The following ASB4 variants were observed in gnomAD, a reference collection of about 807,000 sequenced individuals.
The protein encoded by ASB4 is ankyrin repeat and SOCS box protein 4.
Under a neutral mutation model 38.6 loss-of-function variants are expected in ASB4, and 35 were observed. That is an observed-to-expected ratio of 0.91 (90% CI 0.69 to 1.20). The LOEUF (loss-of-function observed/expected upper bound fraction) is 1.20. ASB4 is among the 50% of genes most tolerant of loss of function. ASB4 has a pLI of 0.00. For missense variants in ASB4, 557 were observed against 527.2 expected (o/e 1.06, Z -0.55); for synonymous variants, 195 against 201.3 (o/e 0.97, Z 0.26).
At chr7:95,513,799 T>C (rs1790518084) in intron 2 of ASB4, among the ~76,000 whole-genome samples, 1 of 152,160 alleles carries the variant, frequency 6.6e-6, no homozygotes. Context: ...AATAAGAAGC[T>C]AGGACTCTCA....
At chr7:95,522,093 G>A (rs1286340859) in intron 2 of ASB4, among the ~76,000 whole-genome samples, 2 of 152,120 alleles carry the variant, frequency 1.3e-5, no homozygotes, top group African/African-American at 4.8e-5. Flanking sequence ...TGGTGCTGAT[G>A]TAATAATAGA....
At chr7:95,540,559 AC>A, downstream of ASB4, among the ~76,000 whole-genome samples, 1 of 152,234 alleles carries the variant, frequency 6.6e-6, no homozygotes. Context: ...CTCACTGTCC[AC>A]TAAACCCTGG....
chr7:95,491,013 T>C (rs1790163501), intron 1 of ASB4, among the ~76,000 whole-genome samples: 1 of 152,208 alleles, frequency 6.6e-6, no homozygotes, highest in Admixed American at 6.5e-5. Flanking sequence ...TGGGTACTTG[T>C]TATATGAACA....
At chr7:95,535,052 TCA>T (rs1217216872) in intron 3 of ASB4, among the ~76,000 whole-genome samples, 2 of 151,070 alleles carry the variant, frequency 1.3e-5, no homozygotes, top group East Asian at 1.9e-4. Flanking sequence ...ACACACTCAC[TCA>T]CACACACACA....
At position 95,537,816 on chromosome 7, in the gene ASB4, C is replaced by T; in HGVS notation, c.*57C>T. ...TATTTAAGTGGACTTGCTGGGTAGA[C>T]ACAGTTTGCCTAAATAAAATGGTAC... On this transcript the variant is annotated 3_prime_UTR_variant, in exon 5 of 5. Coordinates refer to ENST00000325885, the MANE Select transcript of ASB4 (RefSeq NM_016116.3). 2 of 1,465,380 alleles carry T rather than the reference C, an allele frequency of 1.4e-6. No individual in the cohort carries two copies. Among genetic ancestry groups the T allele is most frequent in the African/African-American group, 1.4e-5 (1 of 71,302 alleles). 90.8% of individuals were successfully genotyped at this position (1,465,380 alleles called of 1,614,324 possible).
the ASB4 span, among the ~76,000 whole-genome samples, chr7:95,549,300 C>CCTTTTTTTTTTTT: frequency 7.2e-5 from 6 of 83,084 alleles, no homozygotes; most frequent in South Asian, 3.9e-4. Context: ...TAGGAGACTC[C>CCTTTTTTTTTTTT]ATTTTTTTTT....
chr7:95,485,473 G>T (rs544801705), upstream of ASB4, among the ~76,000 whole-genome samples: 1 of 152,148 alleles, frequency 6.6e-6, no homozygotes, highest in Non-Finnish European at 1.5e-5. Context: ...TATGACAATG[G>T]TTGATTTTAC....
chr7:95,546,957 CTGGGG>C, the ASB4 span, among the ~76,000 whole-genome samples: 1 of 152,120 alleles, frequency 6.6e-6, no homozygotes, highest in Non-Finnish European at 1.5e-5. Flanking sequence ...ATTCAGATAC[CTGGGG>C]TGCTTTCAAA....
intron 2 of ASB4, among the ~76,000 whole-genome samples, chr7:95,503,416 A>C (rs1162728441): frequency 6.6e-6 from 1 of 152,230 alleles, no homozygotes; most frequent in Non-Finnish European, 1.5e-5. Context: ...GCACATAGAA[A>C]GTGCTCAATA....
At chr7:95,517,982 G>A (rs1399312507) in intron 2 of ASB4, among the ~76,000 whole-genome samples, 1 of 152,192 alleles carries the variant, frequency 6.6e-6, no homozygotes, top group Non-Finnish European at 1.5e-5. Context: ...GTGGAGCAAT[G>A]TTCTACTGCT....
chr7:95,515,206 TTTC>T (rs1262181372), intron 2 of ASB4, among the ~76,000 whole-genome samples: 37 of 132,412 alleles, frequency 2.8e-4, no homozygotes, highest in African/African-American at 1.2e-3. Context: ...TCTTTCTTTC[TTTC>T]TTTCTTTCTT....
chr7:95,519,551 G>A (rs954791462), intron 2 of ASB4, among the ~76,000 whole-genome samples: 5 of 152,142 alleles, frequency 3.3e-5, no homozygotes, highest in African/African-American at 1.2e-4. Context: ...GCAGGTCAAG[G>A]TGATGAGAGC....
At chr7:95,544,963 C>G (rs960191790), downstream of ASB4, among the ~76,000 whole-genome samples, 1 of 152,094 alleles carries the variant, frequency 6.6e-6, no homozygotes, top group Non-Finnish European at 1.5e-5. Context: ...GCTGGGATTA[C>G]AGGCATGAGC....
intron 2 of ASB4, among the ~76,000 whole-genome samples, chr7:95,523,109 A>G (rs1294111087): frequency 6.6e-6 from 1 of 152,204 alleles, no homozygotes; most frequent in Non-Finnish European, 1.5e-5. Context: ...TCCTAAATTG[A>G]TATGTACACC....
At chr7:95,487,129 A>G (rs1790101475) in intron 1 of ASB4, among the ~76,000 whole-genome samples, 11 of 152,216 alleles carry the variant, frequency 7.2e-5, no homozygotes, top group Admixed American at 7.2e-4. Flanking sequence ...TACAAATGCT[A>G]ATGGTACAGT....
At chr7:95,480,906 A>G (rs1221678471), upstream of ASB4, among the ~76,000 whole-genome samples, 5 of 152,214 alleles carry the variant, frequency 3.3e-5, no homozygotes, top group African/African-American at 1.2e-4. Flanking sequence ...GAAGGGCTAA[A>G]TGTGAGCTGA....
intron 1 of ASB4, among the ~76,000 whole-genome samples, chr7:95,491,404 G>T (rs1790169228): frequency 6.6e-6 from 1 of 152,164 alleles, no homozygotes; most frequent in Non-Finnish European, 1.5e-5. Context: ...GCTCCCATGG[G>T]CTTGGTTCCC....
At chr7:95,508,078 T>G (rs574679107) in intron 2 of ASB4, among the ~76,000 whole-genome samples, 3 of 152,080 alleles carry the variant, frequency 2.0e-5, no homozygotes, top group Admixed American at 1.3e-4. Flanking sequence ...TTTTAGATTT[T>G]AGATGATAGA....
chr7:95,477,767 T>TTTTTTTG (rs1789990852), upstream of ASB4, among the ~76,000 whole-genome samples: 1 of 151,960 alleles, frequency 6.6e-6, no homozygotes, highest in African/African-American at 2.4e-5. Flanking sequence ...ATTCTGTGAT[T>TTTTTTTG]CTACAAGCAA....
Sources: gnomAD v4.1 joint callset for allele counts (sites outside exome capture counted in the v4.1 genomes callset) on GRCh38, gnomAD v4.1.1 for gene constraint, MANE v1.5 for transcripts, NCBI Gene and HGNC (gene_info 2026-07-23, HGNC 2026-07-21) for gene names.